The following KLF15 variants were observed in gnomAD, a reference collection of about 807,000 sequenced individuals.
KLF15 encodes the protein Krueppel-like factor 15.
In KLF15, 4 loss-of-function variants were observed where a neutral mutation model predicts 24.6. The observed-to-expected ratio is 0.16, with a 90% confidence interval of 0.08 to 0.37. The LOEUF (loss-of-function observed/expected upper bound fraction) is 0.37. KLF15 is among the 10% of genes least tolerant of loss of function. The pLI, the probability that KLF15 is intolerant of heterozygous loss-of-function variation, is 1.00. For synonymous variants in KLF15, 246 were observed against 236.3 expected (o/e 1.04, Z -0.37); for missense variants, 496 against 560.6 (o/e 0.88, Z 1.16).
chr3:126,317,753 G>A, the KLF15 span, among the ~76,000 whole-genome samples: 1 of 152,052 alleles, frequency 6.6e-6, no homozygotes, highest in Non-Finnish European at 1.5e-5. Flanking sequence ...TGCCCACTTG[G>A]CCCTCTTCCA....
Position 126,352,786 on chromosome 3 carries a change from G to A in KLF15, c.137C>T (p.Ala46Val). ...PSPVSEDDSD[A>V]SSPCSCSSPD... Reference sequence around the variant, plus strand: ...ACTGGAACAGGAGCAGGGGCTGGAGGCATCGCTGTCATCTTCAGAGACGGG... The same window carrying A: ...ACTGGAACAGGAGCAGGGGCTGGAGACATCGCTGTCATCTTCAGAGACGGG... Residue 46 changes from alanine (A) to valine (V), a missense_variant, in exon 2 of 3, where the codon GCC becomes GTC. Transcript: ENST00000296233. 1.3e-6 allele frequency: 2 copies of A among 1,582,770 alleles called. No individual in the cohort carries two copies. The highest frequency in any genetic ancestry group is 1.7e-6 in the Non-Finnish European group (2 of 1,164,284).
intron 2 of KLF15, among the ~76,000 whole-genome samples, chr3:126,348,190 T>C (rs558016454): frequency 2.5e-4 from 38 of 152,332 alleles, no homozygotes; most frequent in African/African-American, 6.7e-4. Context: ...GCTGGCTGAC[T>C]GGAGAATTTA....
the KLF15 span, among the ~76,000 whole-genome samples, chr3:126,304,428 T>A: frequency 6.6e-6 from 1 of 152,262 alleles, no homozygotes; most frequent in Non-Finnish European, 1.5e-5. Flanking sequence ...CAGGCATTGT[T>A]CCCTCTAATC....
chr3:126,343,740 C>G lies in KLF15; in HGVS notation c.1238G>C (p.Arg413Pro), dbSNP rs759530999. ...TTCAGGGCGCTTTCAGTTCACGGAG[C>G]GCACGGAGCGGCTGCTCCGCGGGAA... ...HRFPRSSRSV[R>P]SVN The change falls in exon 3 of 3, where the codon CGC becomes CCC. Residue 413 changes from arginine to proline, a missense_variant. Arg to Pro is a moderately radical substitution (Grantham distance 103). Around this residue, in one of 3 missense-constraint regions of KLF15, gnomAD observed 38 missense variants for 31.5 expected, o/e 1.21. Coordinates refer to ENST00000296233, the MANE Select transcript of KLF15 (RefSeq NM_014079.4). 5 of 1,611,078 alleles carry G rather than the reference C, an allele frequency of 3.1e-6. No individual in the cohort carries two copies. Among genetic ancestry groups the G allele is most frequent in the Admixed American group, 1.7e-5 (1 of 59,420 alleles).
chr3:126,312,320 C>T, the KLF15 span, among the ~76,000 whole-genome samples: 3 of 152,136 alleles, frequency 2.0e-5, no homozygotes, highest in African/African-American at 7.2e-5. Context: ...ACTATAGGTG[C>T]ATGCCACCAT....
chr3:126,329,596 C>G, the KLF15 span, among the ~76,000 whole-genome samples: 3,766 of 152,082 alleles, frequency 0.025, 129 homozygotes, highest in African/African-American at 0.073. Context: ...CCACCATTGT[C>G]GTGTCATATT....
At chr3:126,297,456 T>C in the KLF15 span, among the ~76,000 whole-genome samples, 1 of 152,234 alleles carries the variant, frequency 6.6e-6, no homozygotes, top group Non-Finnish European at 1.5e-5. Context: ...ATCCAGTATA[T>C]TCTTTTTTTA....
downstream of KLF15, among the ~76,000 whole-genome samples, chr3:126,338,120 C>G (rs2082453257): frequency 6.6e-6 from 1 of 152,334 alleles, no homozygotes; most frequent in Non-Finnish European, 1.5e-5. Context: ...GCAGGGCATC[C>G]TCTGCCAGGA....
At chr3:126,295,052 G>A in the KLF15 span, among the ~76,000 whole-genome samples, 2 of 152,188 alleles carry the variant, frequency 1.3e-5, no homozygotes, top group Middle Eastern at 6.8e-3. Flanking sequence ...GCACATGCAT[G>A]CACTTATACG....
At chr3:126,314,064 C>A in the KLF15 span, among the ~76,000 whole-genome samples, 1 of 152,176 alleles carries the variant, frequency 6.6e-6, no homozygotes, top group African/African-American at 2.4e-5. Context: ...CCTAAAATAT[C>A]TATTATCTTG....
At chr3:126,326,911 A>T in the KLF15 span, among the ~76,000 whole-genome samples, 1 of 152,214 alleles carries the variant, frequency 6.6e-6, no homozygotes, top group African/African-American at 2.4e-5. Flanking sequence ...TTAATTTTCA[A>T]ATTTTAGATT....
chr3:126,295,794 A>G, the KLF15 span, among the ~76,000 whole-genome samples: 1 of 152,208 alleles, frequency 6.6e-6, no homozygotes, highest in African/African-American at 2.4e-5. Flanking sequence ...TTCATGTCTG[A>G]TCAGATTCTT....
chr3:126,346,394 G>A (rs1378329747), intron 2 of KLF15, among the ~76,000 whole-genome samples: 2 of 152,194 alleles, frequency 1.3e-5, no homozygotes, highest in Non-Finnish European at 2.9e-5. Flanking sequence ...AAGTCACACA[G>A]CCCAGGGGAC....
In KLF15 at chr3:126,352,366, G is replaced by GACC; in HGVS notation, c.554_556dup (p.Gly185_Ser186insTrp). On this transcript the variant is annotated inframe_insertion, in exon 2 of 3. Coordinates refer to ENST00000296233, the MANE Select transcript of KLF15 (RefSeq NM_014079.4). The stretch of plus-strand genomic sequence containing the variant: ...AGGGGAACAGCGCTCTCTCCCGCTG[G>GACC]ACCCAGGATGGAGGTGGCTCTTGTG... 6.2e-7 allele frequency: 1 copy of GACC among 1,608,676 alleles called. No individual in the cohort carries two copies. The highest frequency in any genetic ancestry group is 1.1e-5 in the South Asian group (1 of 90,468).
chr3:126,323,243 C>T, the KLF15 span, among the ~76,000 whole-genome samples: 1 of 149,608 alleles, frequency 6.7e-6, no homozygotes, highest in Non-Finnish European at 1.5e-5. Flanking sequence ...ACCCACCTCA[C>T]CCCATGGTTC....
the KLF15 span, among the ~76,000 whole-genome samples, chr3:126,328,589 A>T: frequency 2.6e-5 from 4 of 152,172 alleles, no homozygotes; most frequent in Admixed American, 2.0e-4. Context: ...CCAAGCCAAC[A>T]TCTACTGTTT....
At chr3:126,308,055 A>C in the KLF15 span, among the ~76,000 whole-genome samples, 2 of 152,100 alleles carry the variant, frequency 1.3e-5, no homozygotes, top group Non-Finnish European at 2.9e-5. Context: ...CCATGTGGGG[A>C]GGAGCGCCGT....
At chr3:126,327,010 C>T in the KLF15 span, among the ~76,000 whole-genome samples, 1 of 152,130 alleles carries the variant, frequency 6.6e-6, no homozygotes, top group Non-Finnish European at 1.5e-5. Context: ...TTCATCAAAA[C>T]TAGGAAATGA....
chr3:126,327,736 T>G, the KLF15 span, among the ~76,000 whole-genome samples: 2 of 152,358 alleles, frequency 1.3e-5, no homozygotes. Context: ...ATGTAAATTT[T>G]ATGCGAGTTT....
Sources: gnomAD v4.1 joint callset for allele counts (sites outside exome capture counted in the v4.1 genomes callset) on GRCh38, gnomAD v4.1.1 for gene constraint, gnomAD v4.1.1 regional missense constraint, MANE v1.5 for transcripts, NCBI Gene and HGNC (gene_info 2026-07-23, HGNC 2026-07-21) for gene names.